Variants in ZBTB20 observed in about 807,000 individuals in gnomAD.
ZBTB20 encodes the protein zinc finger and BTB domain-containing protein 20.
ZBTB20 carries 9 observed loss-of-function variants against 56.9 expected under a neutral mutation model. The ratio of observed to expected loss-of-function variants is 0.16; its 90% CI spans 0.10 to 0.28. The LOEUF (loss-of-function observed/expected upper bound fraction) is 0.28, where lower values mean the gene tolerates loss of function less well. Among genes scored for constraint, ZBTB20 ranks in the 10% least tolerant of loss-of-function variants. The pLI is 1.00. For missense variants in ZBTB20, 655 were observed against 1,003.0 expected (o/e 0.65, Z 4.69); for synonymous variants, 417 against 420.7 (o/e 0.99, Z 0.11).
intron 2 of ZBTB20, among the ~76,000 whole-genome samples, chr3:114,996,021 A>C (rs1396581574): frequency 6.6e-6 from 1 of 151,862 alleles, no homozygotes; most frequent in African/African-American, 2.4e-5. Flanking sequence ...TGTATCAGTC[A>C]AGGATCAAAG....
intron 1 of ZBTB20, chr3:115,103,178 A>C (rs573632900): frequency 1.3e-5 from 2 of 152,278 alleles, no homozygotes; most frequent in East Asian, 3.9e-4. Flanking sequence ...GGAAGTTATA[A>C]AGTTATTTAA....
chr3:114,856,099 A>G (rs2075240299), intron 4 of ZBTB20, among the ~76,000 whole-genome samples: 1 of 151,992 alleles, frequency 6.6e-6, no homozygotes, highest in African/African-American at 2.4e-5. Flanking sequence ...ACCTCTCTGG[A>G]CCTCTCTGAT....
Position 114,703,169 on chromosome 3 carries a change from T to C in ZBTB20, c.-342-9594A>G, listed in dbSNP as rs142759206. Among the ~76,000 whole-genome samples, 11 of 152,294 alleles carry C rather than the reference T, an allele frequency of 7.2e-5. No homozygotes were observed. In the East Asian group the frequency reaches 2.1e-3, roughly 29 times the overall value. On this transcript the variant is annotated intron_variant, in intron 5 of 11. Coordinates refer to ENST00000675478, the MANE Select transcript of ZBTB20 (RefSeq NM_001348800.3). ...TCTTCAGGAAGCACCAATTCATTCC[T>C]TAACATTCAATAAGTCTTTATTGCT...
intron 4 of ZBTB20, among the ~76,000 whole-genome samples, chr3:114,883,545 C>T (rs77478837): frequency 0.028 from 4,262 of 152,124 alleles, 213 homozygotes; most frequent in African/African-American, 0.098. Context: ...GTATATATTG[C>T]CACAAGCACT....
At chr3:114,744,744 T>C (rs780475234) in intron 5 of ZBTB20, among the ~76,000 whole-genome samples, 2 of 152,180 alleles carry the variant, frequency 1.3e-5, no homozygotes, top group African/African-American at 4.8e-5. Context: ...CTGCTGTGTG[T>C]GTATATAGAA....
At chr3:114,408,444 C>T (rs930632513) in intron 7 of ZBTB20, among the ~76,000 whole-genome samples, 4 of 152,124 alleles carry the variant, frequency 2.6e-5, no homozygotes, top group African/African-American at 4.8e-5. Flanking sequence ...ATAGCTTTGC[C>T]GGACCTTTCC....
At chr3:114,568,890 C>T (rs2053101760) in intron 6 of ZBTB20, among the ~76,000 whole-genome samples, 1 of 152,126 alleles carries the variant, frequency 6.6e-6, no homozygotes, top group South Asian at 2.1e-4. Context: ...ATTCTTATCT[C>T]TCTTCATTTC....
At chr3:115,109,537 T>A (rs890251322) in intron 1 of ZBTB20, among the ~76,000 whole-genome samples, 28 of 152,286 alleles carry the variant, frequency 1.8e-4, no homozygotes, top group African/African-American at 6.7e-4. Context: ...AGAAATCTCA[T>A]TTTCAGATTA....
chr3:115,031,522 T>A (rs2080679965), intron 2 of ZBTB20, among the ~76,000 whole-genome samples: 1 of 151,488 alleles, frequency 6.6e-6, no homozygotes, highest in Admixed American at 6.6e-5. Flanking sequence ...CTATTTGACC[T>A]CCTATAGACT....
intron 5 of ZBTB20, among the ~76,000 whole-genome samples, chr3:114,740,754 T>G (rs2066513109): frequency 1.3e-5 from 2 of 152,234 alleles, no homozygotes; most frequent in South Asian, 4.1e-4. Flanking sequence ...TGATATCTTT[T>G]GAGAATCTCT....
At chr3:114,715,911 T>C (rs987658535) in intron 5 of ZBTB20, among the ~76,000 whole-genome samples, 1 of 152,224 alleles carries the variant, frequency 6.6e-6, no homozygotes, top group Non-Finnish European at 1.5e-5. Context: ...AAATGGATTC[T>C]GAGCAACTAG....
intron 4 of ZBTB20, among the ~76,000 whole-genome samples, chr3:114,854,321 T>C (rs1210863811): frequency 1.3e-5 from 2 of 152,160 alleles, no homozygotes; most frequent in East Asian, 1.9e-4. Flanking sequence ...TCAAAGATAA[T>C]AGAGGCTAAC....
At chr3:114,376,166 C>T (rs189156971) in intron 10 of ZBTB20, among the ~76,000 whole-genome samples, 50 of 152,244 alleles carry the variant, frequency 3.3e-4, no homozygotes, top group Non-Finnish European at 5.7e-4. Context: ...CAGGATAATA[C>T]GTATAGATGG....
chr3:114,513,399 AT>A (rs2045626407), intron 6 of ZBTB20, among the ~76,000 whole-genome samples: 1 of 152,224 alleles, frequency 6.6e-6, no homozygotes, highest in Non-Finnish European at 1.5e-5. Flanking sequence ...ACCTATTTAT[AT>A]TTTGAATTTT....
At chr3:114,980,672 T>A (rs2078289635) in intron 2 of ZBTB20, among the ~76,000 whole-genome samples, 1 of 151,888 alleles carries the variant, frequency 6.6e-6, no homozygotes, top group African/African-American at 2.4e-5. Context: ...TATTCCTGAG[T>A]ATACCATAAG....
Position 114,935,346 on chromosome 3 carries a change from AG to A in ZBTB20, c.-455-35005del, listed in dbSNP as rs1429873530. Among the ~76,000 whole-genome samples the A allele has an allele frequency of 2.6e-5, 4 of 152,322 alleles. No homozygotes were observed. In the East Asian group the frequency reaches 7.7e-4, roughly 29 times the overall value. On this transcript the variant is annotated intron_variant, in intron 3 of 11. Transcript: ENST00000675478. Reference sequence around the variant, plus strand: ...CCTTTAGGAAGAGGAGACACACTTGAGGAAGCTCTTCAAGGCTGGTCTTCAG... The same window carrying A: ...CCTTTAGGAAGAGGAGACACACTTGAGAAGCTCTTCAAGGCTGGTCTTCAG...
chr3:114,503,388 T>C (rs1008605970), intron 6 of ZBTB20, among the ~76,000 whole-genome samples: 3 of 152,224 alleles, frequency 2.0e-5, no homozygotes, highest in Non-Finnish European at 2.9e-5. Flanking sequence ...TTCATAAATG[T>C]TCATAGGCAT....
intron 3 of ZBTB20, among the ~76,000 whole-genome samples, chr3:114,918,974 A>T (rs1179825497): frequency 6.6e-6 from 1 of 152,198 alleles, no homozygotes; most frequent in African/African-American, 2.4e-5. Context: ...AGACTGCCTT[A>T]AAGTTTATTT....
intron 6 of ZBTB20, among the ~76,000 whole-genome samples, chr3:114,593,360 G>T (rs1027867871): frequency 6.6e-6 from 1 of 150,756 alleles, no homozygotes; most frequent in Non-Finnish European, 1.5e-5. Flanking sequence ...GAGAGGGAGA[G>T]ATTTTTTTGT....
Sources: gnomAD v4.1 joint callset for allele counts (sites outside exome capture counted in the v4.1 genomes callset) on GRCh38, gnomAD v4.1.1 for gene constraint, MANE v1.5 for transcripts, NCBI Gene and HGNC (gene_info 2026-07-23, HGNC 2026-07-21) for gene names.